Variants in PTPRG observed in about 807,000 individuals in gnomAD.
PTPRG encodes the protein protein tyrosine phosphatase receptor type G.
In PTPRG, 102 loss-of-function variants were observed where a neutral mutation model predicts 165.3. The ratio of observed to expected loss-of-function variants is 0.62; its 90% CI spans 0.53 to 0.73. PTPRG has a LOEUF of 0.73. Ranked by LOEUF, PTPRG falls within the 30% of genes least tolerant of loss-of-function variation. The probability of loss-of-function intolerance (pLI) is 0.00; values close to 1 mark genes in which losing one functional copy is unlikely to be tolerated. For missense variants in PTPRG, 1,866 were observed against 1,861.4 expected (o/e 1.00, Z -0.05); for synonymous variants, 675 against 669.5 (o/e 1.01, Z -0.13).
At chr3:61,597,864 A>G (rs2106838277) in intron 1 of PTPRG, among the ~76,000 whole-genome samples, 1 of 152,350 alleles carries the variant, frequency 6.6e-6, no homozygotes, top group African/African-American at 2.4e-5. Context: ...TTATCCTCTT[A>G]AAGCATTTTG....
In PTPRG at chr3:62,268,076, G is replaced by A. The variant is rs190853556; in HGVS notation, c.2874+257G>A. On this transcript the variant is annotated intron_variant, in intron 19 of 29. Coordinates refer to ENST00000474889, the MANE Select transcript of PTPRG (RefSeq NM_002841.4). ...CAATGTATCCTCTGTACATTCCTCT[G>A]TACAGAGATTTTTTAAAGGAGCAAA... is the stretch of plus-strand genomic sequence containing the variant. Among the ~76,000 whole-genome samples, 7 of 152,132 alleles carry A rather than the reference G, an allele frequency of 4.6e-5. No individual in the cohort carries two copies. In the East Asian group the frequency reaches 1.2e-3, roughly 25 times the overall value.
At chr3:62,045,502 G>T (rs1353966297) in intron 4 of PTPRG, among the ~76,000 whole-genome samples, 4 of 152,104 alleles carry the variant, frequency 2.6e-5, no homozygotes, top group Non-Finnish European at 5.9e-5. Flanking sequence ...ACTGTGTAGA[G>T]TCAAACCTCA....
intron 1 of PTPRG, among the ~76,000 whole-genome samples, chr3:61,676,909 T>G (rs370136806): frequency 6.6e-6 from 1 of 152,126 alleles, no homozygotes; most frequent in South Asian, 2.1e-4. Context: ...ATCTGTCCTG[T>G]GAGCCTCCAG....
At chr3:61,760,575 T>C (rs1452082729) in intron 2 of PTPRG, among the ~76,000 whole-genome samples, 1 of 152,206 alleles carries the variant, frequency 6.6e-6, no homozygotes, top group Non-Finnish European at 1.5e-5. Flanking sequence ...GGGATATGTA[T>C]TATACTCTGC....
At chr3:61,822,427 T>C (rs548740045) in intron 2 of PTPRG, among the ~76,000 whole-genome samples, 1 of 152,316 alleles carries the variant, frequency 6.6e-6, no homozygotes, top group Non-Finnish European at 1.5e-5. Context: ...GTTAGTGTTG[T>C]CTCTGAACTT....
At chr3:61,683,121 A>G (rs181941715) in intron 1 of PTPRG, among the ~76,000 whole-genome samples, 2,709 of 152,266 alleles carry the variant, frequency 0.018, 35 homozygotes, top group South Asian at 0.049. Context: ...CTGAAAAGTG[A>G]GTCATTATGG....
chr3:61,597,259 G>C (rs746780680), intron 1 of PTPRG, among the ~76,000 whole-genome samples: 2 of 152,068 alleles, frequency 1.3e-5, no homozygotes, highest in Non-Finnish European at 2.9e-5. Flanking sequence ...ACCTTTGGGC[G>C]ACAGATTCAG....
chr3:61,996,044 G>A (rs1488353272), intron 3 of PTPRG, among the ~76,000 whole-genome samples: 1 of 151,984 alleles, frequency 6.6e-6, no homozygotes, highest in Non-Finnish European at 1.5e-5. Context: ...TCCTAGCATT[G>A]GCCCCCTTCT....
intron 1 of PTPRG, among the ~76,000 whole-genome samples, chr3:61,587,793 A>G (rs1054731333): frequency 2.0e-5 from 3 of 152,074 alleles, no homozygotes; most frequent in African/African-American, 4.8e-5. Context: ...AGTAGCCAGG[A>G]CTACAGGTGC....
At chr3:62,035,786 T>C (rs773674600) in intron 4 of PTPRG, among the ~76,000 whole-genome samples, 10 of 152,222 alleles carry the variant, frequency 6.6e-5, no homozygotes, top group Non-Finnish European at 1.2e-4. Flanking sequence ...AGTTGGCGAG[T>C]GCATCCAATG....
At chr3:61,973,055 T>C (rs1341177505) in intron 2 of PTPRG, among the ~76,000 whole-genome samples, 4 of 152,186 alleles carry the variant, frequency 2.6e-5, no homozygotes, top group African/African-American at 4.8e-5. Flanking sequence ...CAAGCTGTCC[T>C]GCCGAGACAC....
intron 16 of PTPRG, among the ~76,000 whole-genome samples, chr3:62,259,892 T>C (rs1308594858): frequency 1.3e-5 from 2 of 152,084 alleles, no homozygotes; most frequent in South Asian, 2.1e-4. Context: ...GAGTTAATAT[T>C]GTCTGGGATT....
At chr3:61,630,034 AATGTGCCCAAAG>A (rs1701725319) in intron 1 of PTPRG, among the ~76,000 whole-genome samples, 1 of 152,350 alleles carries the variant, frequency 6.6e-6, no homozygotes, top group African/African-American at 2.4e-5. Context: ...AAATTTTGGT[AATGTGCCCAAAG>A]ACCCTGGCCA....
intron 1 of PTPRG, among the ~76,000 whole-genome samples, chr3:61,564,709 G>T (rs1306494594): frequency 6.6e-6 from 1 of 152,168 alleles, no homozygotes; most frequent in African/African-American, 2.4e-5. Flanking sequence ...CCGCGACGCC[G>T]CTGGACCTCA....
chr3:61,938,036 G>A (rs969258240), intron 2 of PTPRG, among the ~76,000 whole-genome samples: 1 of 151,330 alleles, frequency 6.6e-6, no homozygotes, highest in Non-Finnish European at 1.5e-5. Flanking sequence ...TTTTCCTTCA[G>A]TCTGGGCTTA....
intron 1 of PTPRG, among the ~76,000 whole-genome samples, chr3:61,578,650 A>G (rs994354765): frequency 1.3e-5 from 2 of 152,220 alleles, no homozygotes; most frequent in African/African-American, 2.4e-5. Context: ...AGAATGTGAG[A>G]GGCAGACAGG....
rs141132444 is a variant in PTPRG, at chr3:62,078,982, G to A, written c.615+724G>A. Among the ~76,000 whole-genome samples, 434 of 152,316 alleles carry A rather than the reference G, an allele frequency of 2.8e-3. 1 individual carries two copies. The highest frequency in any genetic ancestry group is 0.01 in the Middle Eastern group (3 of 294). ...GTAGTCTGAGTAGTAGGCATCTGTG[G>A]TTTGTCTTTCAATCTTAAAGTTGAC... On this transcript the variant is annotated intron_variant, in intron 5 of 29. Transcript: ENST00000474889.
chr3:61,621,128 A>G (rs1014377049), intron 1 of PTPRG, among the ~76,000 whole-genome samples: 6 of 151,332 alleles, frequency 4.0e-5, no homozygotes, highest in African/African-American at 1.5e-4. Flanking sequence ...TGAAAATTAT[A>G]AAACCTTAAA....
rs1204282949 is a variant in PTPRG at position 61,625,301 on chromosome 3, C to T, written c.85+62929C>T. On this transcript the variant is annotated intron_variant, in intron 1 of 29. Transcript: ENST00000474889. ...CAAACTTTAGTCTCTCACCCTTTTT[C>T]TGATTACAGAAACTCTTTATAAAAA... 2.6e-5 allele frequency among the ~76,000 whole-genome samples: 4 copies of T among 151,796 alleles called. No homozygotes were observed. The East Asian group carries it at 7.7e-4, about 29-fold the overall frequency.
Sources: gnomAD v4.1 joint callset for allele counts (sites outside exome capture counted in the v4.1 genomes callset) on GRCh38, gnomAD v4.1.1 for gene constraint, MANE v1.5 for transcripts, NCBI Gene and HGNC (gene_info 2026-07-23, HGNC 2026-07-21) for gene names.